Variants in IQSEC1 observed in about 807,000 individuals in gnomAD.
IQSEC1 encodes the protein IQ motif and Sec7 domain ArfGEF 1.
IQSEC1 carries 31 observed loss-of-function variants against 91.0 expected under a neutral mutation model. The ratio of observed to expected loss-of-function variants is 0.34; its 90% CI spans 0.26 to 0.46. The LOEUF (loss-of-function observed/expected upper bound fraction) is 0.46, where lower values mean the gene tolerates loss of function less well. Ranked by LOEUF, IQSEC1 falls within the 20% of genes least tolerant of loss-of-function variation. IQSEC1 has a pLI of 1.00. For missense variants in IQSEC1, 1,388 were observed against 1,575.6 expected, an observed-to-expected ratio of 0.88 and a Z score of 2.02; for synonymous variants, 699 against 662.6, an observed-to-expected ratio of 1.05 and a Z score of -0.84.
chr3:13,032,778 G>T (rs960723690), intron 1 of IQSEC1, among the ~76,000 whole-genome samples: 1 of 152,124 alleles, frequency 6.6e-6, no homozygotes, highest in African/African-American at 2.4e-5. Flanking sequence ...TAGAGACGGG[G>T]TTTCACCGTG....
intron 8 of IQSEC1, 36 bp downstream of exon 8, chr3:12,915,068 G>A: frequency 6.3e-7 from 1 of 1,585,256 alleles, no homozygotes; most frequent in Non-Finnish European, 8.6e-7. Flanking sequence ...CAGGGCGGCG[G>A]GCTACCCACA....
intron 2 of IQSEC1, among the ~76,000 whole-genome samples, chr3:13,088,678 C>T (rs1487153095): frequency 6.6e-6 from 1 of 152,232 alleles, no homozygotes; most frequent in Non-Finnish European, 1.5e-5. Context: ...CAATCCTTGC[C>T]ATGATCCACA....
chr3:13,121,273 T>C (rs1275836473), intron 2 of IQSEC1, among the ~76,000 whole-genome samples: 1 of 152,180 alleles, frequency 6.6e-6, no homozygotes, highest in African/African-American at 2.4e-5. Context: ...CGTCTGGCCC[T>C]TTACAGAAAA....
intron 3 of IQSEC1, among the ~76,000 whole-genome samples, chr3:12,930,407 C>T (rs1697563608): frequency 6.6e-6 from 1 of 152,236 alleles, no homozygotes; most frequent in Admixed American, 6.5e-5. Flanking sequence ...CCCAGCCTAC[C>T]CTCCAGCTCA....
At chr3:13,002,017 G>T (rs1427757769) in intron 1 of IQSEC1, among the ~76,000 whole-genome samples, 1 of 152,150 alleles carries the variant, frequency 6.6e-6, no homozygotes, top group African/African-American at 2.4e-5. Flanking sequence ...AGGTTGCAGT[G>T]AGCTGAGATC....
At chr3:13,061,085 G>C (rs894011080) in intron 1 of IQSEC1, among the ~76,000 whole-genome samples, 1 of 152,098 alleles carries the variant, frequency 6.6e-6, no homozygotes, top group South Asian at 2.1e-4. Context: ...CAGAATCCCA[G>C]GCCACGCGTG....
intron 1 of IQSEC1, among the ~76,000 whole-genome samples, chr3:13,056,772 C>T (rs1704896778): frequency 6.6e-6 from 1 of 152,080 alleles, no homozygotes; most frequent in South Asian, 2.1e-4. Flanking sequence ...ACTGGAAGTC[C>T]TTAGGATATT....
chr3:13,276,704 C>A (rs1267955238), intron 1 of IQSEC1, among the ~76,000 whole-genome samples: 1 of 152,224 alleles, frequency 6.6e-6, no homozygotes, highest in Non-Finnish European at 1.5e-5. Context: ...CATTGGCAAC[C>A]TCAAGGCAGC....
intron 1 of IQSEC1, among the ~76,000 whole-genome samples, chr3:13,191,676 A>T (rs1027134890): frequency 6.6e-6 from 1 of 152,096 alleles, no homozygotes; most frequent in South Asian, 2.1e-4. Flanking sequence ...TATTTCTTAG[A>T]TAAGAAAGAA....
chr3:12,902,904 C>T lies in IQSEC1; in HGVS notation c.2756-82G>A, dbSNP rs967870029. The T allele has an allele frequency of 1.8e-4, 185 of 1,049,148 alleles. 1 individual carries two copies. Among genetic ancestry groups the T allele is most frequent in the East Asian group, 3.2e-4 (13 of 40,626 alleles). 65.0% of individuals were successfully genotyped at this position (1,049,148 alleles called of 1,614,324 possible). Reference sequence around the variant, plus strand: ...CCTGCCTGGTGCCACGCTGCTGCCACGGAGCCTGCACCCCTGCTGGGAGCA... The same window carrying T: ...CCTGCCTGGTGCCACGCTGCTGCCATGGAGCCTGCACCCCTGCTGGGAGCA... On this transcript the variant is annotated intron_variant, in intron 12 of 13. Coordinates refer to ENST00000613206, the MANE Select transcript of IQSEC1 (RefSeq NM_001134382.3).
At chr3:13,072,118 A>C (rs1267579077) in intron 1 of IQSEC1, among the ~76,000 whole-genome samples, 2 of 152,164 alleles carry the variant, frequency 1.3e-5, no homozygotes, top group Non-Finnish European at 2.9e-5. Context: ...GCTCAAGAGG[A>C]CTCAGCCATG....
At chr3:12,931,606 G>A (rs748938955) in intron 3 of IQSEC1, among the ~76,000 whole-genome samples, 45 of 152,354 alleles carry the variant, frequency 3.0e-4, no homozygotes, top group Middle Eastern at 3.4e-3. Flanking sequence ...GCTGGAGCAT[G>A]CAGATCAGGG....
chr3:13,234,983 A>G (rs979081546), intron 1 of IQSEC1, among the ~76,000 whole-genome samples: 22 of 152,266 alleles, frequency 1.4e-4, no homozygotes, highest in Non-Finnish European at 2.6e-4. Flanking sequence ...AGATGGGTGC[A>G]GGAGAGGTGG....
intron 1 of IQSEC1, among the ~76,000 whole-genome samples, chr3:13,188,991 C>G (rs1164438044): frequency 6.6e-6 from 1 of 152,254 alleles, no homozygotes; most frequent in African/African-American, 2.4e-5. Context: ...GCAGCACCCC[C>G]TCAGGAGGAG....
chr3:13,260,798 G>A (rs1186298435), intron 1 of IQSEC1, among the ~76,000 whole-genome samples: 1 of 152,218 alleles, frequency 6.6e-6, no homozygotes, highest in Non-Finnish European at 1.5e-5. Context: ...TTGTCCTGGG[G>A]CCCGGGAGAC....
intron 1 of IQSEC1, among the ~76,000 whole-genome samples, chr3:12,961,082 G>A (rs147720408): frequency 6.6e-6 from 1 of 152,360 alleles, no homozygotes; most frequent in Non-Finnish European, 1.5e-5. Flanking sequence ...AGAGGACAGA[G>A]CAGCAGAACC....
At chr3:13,131,184 A>G (rs1461415930) in intron 2 of IQSEC1, among the ~76,000 whole-genome samples, 1 of 152,032 alleles carries the variant, frequency 6.6e-6, no homozygotes, top group Non-Finnish European at 1.5e-5. Flanking sequence ...TGCAATTTTT[A>G]TTTTTATAAA....
At chr3:13,122,343 C>T (rs1706439836) in intron 2 of IQSEC1, among the ~76,000 whole-genome samples, 2 of 152,340 alleles carry the variant, frequency 1.3e-5, no homozygotes, top group South Asian at 4.1e-4. Flanking sequence ...GTGGCCAGGG[C>T]CCCGAGTGCC....
chr3:13,180,798 A>G (rs1693828534), intron 1 of IQSEC1, among the ~76,000 whole-genome samples: 1 of 150,956 alleles, frequency 6.6e-6, no homozygotes. Context: ...CTGAAGCTTC[A>G]CTCCTGAGCC....
Sources: allele counts gnomAD v4.1 joint callset (sites outside exome capture counted in the v4.1 genomes callset), GRCh38; gene constraint gnomAD v4.1.1; transcripts MANE v1.5; gene names NCBI Gene and HGNC (gene_info 2026-07-23, HGNC 2026-07-21).